SEPTIN10: variants seen among roughly 807,000 people sequenced by gnomAD.
SEPTIN10 encodes the protein septin-10.
Under a neutral mutation model 54.8 loss-of-function variants are expected in SEPTIN10, and 66 were observed. The observed-to-expected ratio is 1.21, with a 90% confidence interval of 0.99 to 1.48. The LOEUF (loss-of-function observed/expected upper bound fraction) is 1.48, where lower values mean the gene tolerates loss of function less well. Among genes scored for constraint, SEPTIN10 ranks in the 40% most tolerant of loss-of-function variants. The pLI is 0.00. For missense variants in SEPTIN10, 620 were observed against 545.6 expected (o/e 1.14, Z -1.36); for synonymous variants, 161 against 181.0 (o/e 0.89, Z 0.89).
At chr2:109,593,398 G>A (rs950680048) in intron 1 of SEPTIN10, among the ~76,000 whole-genome samples, 3 of 144,180 alleles carry the variant, frequency 2.1e-5, no homozygotes, top group African/African-American at 7.7e-5. Context: ...TACAAGTAGA[G>A]AGAGAAAGAA....
chr2:109,594,580 T>C (rs758215724), intron 1 of SEPTIN10: 3 of 151,500 alleles, frequency 2.0e-5, no homozygotes, highest in Non-Finnish European at 2.9e-5. Context: ...GGTGTATACA[T>C]ATCGACGCTC....
intron 1 of SEPTIN10, among the ~76,000 whole-genome samples, chr2:109,609,987 C>T (rs537669098): frequency 6.6e-6 from 1 of 151,958 alleles, no homozygotes; most frequent in East Asian, 1.9e-4. Flanking sequence ...TGATGCAATT[C>T]CTAATAAGGA....
intron 10 of SEPTIN10, chr2:109,545,692 A>G: frequency 6.8e-7 from 1 of 1,461,638 alleles, no homozygotes; most frequent in Non-Finnish European, 9.0e-7. Context: ...ATTCAAAATA[A>G]CTCATGGTAG....
In SEPTIN10 at chr2:109,553,082, C is replaced by G. The variant is rs751436173; in HGVS notation, c.1161+5G>C. On this transcript the variant is annotated splice_donor_5th_base_variant and intron_variant, in intron 9 of 10. Coordinates refer to ENST00000397712, the MANE Select transcript of SEPTIN10 (RefSeq NM_144710.5). Reference sequence around the variant, plus strand: ...ATGCAAATCACATCAAACCAGCATACTTGCCTCTCTCTCAGCTTCTTTCAA... The same window carrying G: ...ATGCAAATCACATCAAACCAGCATAGTTGCCTCTCTCTCAGCTTCTTTCAA... 6.2e-7 allele frequency: 1 copy of G among 1,611,278 alleles called. No individual in the cohort carries two copies. Among genetic ancestry groups the G allele is most frequent in the Non-Finnish European group, 8.5e-7 (1 of 1,179,692 alleles).
chr2:109,544,192 T>C lies in SEPTIN10; in HGVS notation c.*117A>G, dbSNP rs755522708. On this transcript the variant is annotated 3_prime_UTR_variant, in exon 11 of 11. Transcript: ENST00000397712. The stretch of plus-strand genomic sequence containing the variant: ...TTCCATAAATATCAGTAACTGTGGC[T>C]GTTCACCAAATATAGAAGTGATAAA... The C allele has an allele frequency of 3.1e-6, 5 of 1,602,310 alleles. No individual in the cohort carries two copies. The highest frequency in any genetic ancestry group is 4.3e-6 in the Non-Finnish European group (5 of 1,174,884).
chr2:109,582,922 T>A (rs111791981), intron 4 of SEPTIN10, among the ~76,000 whole-genome samples: 2,542 of 152,114 alleles, frequency 0.017, 69 homozygotes, highest in African/African-American at 0.058. Context: ...AAATAAGCAA[T>A]GGGGAAAGGA....
chr2:109,569,084 AT>A (rs1409362392), intron 5 of SEPTIN10, among the ~76,000 whole-genome samples: 1 of 152,176 alleles, frequency 6.6e-6, no homozygotes. Context: ...CCTCAGGCTA[AT>A]CAGTCATATG....
chr2:109,580,736 T>C (rs1365412043), intron 4 of SEPTIN10, among the ~76,000 whole-genome samples: 2 of 151,916 alleles, frequency 1.3e-5, no homozygotes, highest in Non-Finnish European at 2.9e-5. Flanking sequence ...GAAAAAAAGG[T>C]TTTAAAACAC....
intron 8 of SEPTIN10, among the ~76,000 whole-genome samples, chr2:109,561,390 T>C (rs776464226): frequency 6.6e-6 from 1 of 152,196 alleles, no homozygotes; most frequent in Non-Finnish European, 1.5e-5. Flanking sequence ...CTTTAGTGCT[T>C]ATATCACAGC....
At chr2:109,556,426 AAGTT>A (rs1684383925) in intron 8 of SEPTIN10, among the ~76,000 whole-genome samples, 1 of 152,224 alleles carries the variant, frequency 6.6e-6, no homozygotes, top group Admixed American at 6.5e-5. Flanking sequence ...AGAATTCTGT[AAGTT>A]CAAAGAAACG....
chr2:109,588,927 T>C (rs895024593), intron 2 of SEPTIN10, among the ~76,000 whole-genome samples: 42 of 148,722 alleles, frequency 2.8e-4, no homozygotes, highest in Non-Finnish European at 5.6e-4. Context: ...ATAAAAATTC[T>C]CTATTAATCC....
chr2:109,579,255 C>T lies in SEPTIN10; in HGVS notation c.414-4488G>A, dbSNP rs975900513. ...AAAGTAAAACCAACTCTGAATTGTC[C>T]TATAATCATTTTTTAAAAATTAAAC... On this transcript the variant is annotated intron_variant, in intron 4 of 10. Coordinates refer to ENST00000397712, the MANE Select transcript of SEPTIN10 (RefSeq NM_144710.5). Among the ~76,000 whole-genome samples, 23 of 152,116 alleles carry T rather than the reference C, an allele frequency of 1.5e-4. 1 individual carries two copies. The highest frequency in any genetic ancestry group is 2.2e-4 in the Non-Finnish European group (15 of 68,030).
intron 1 of SEPTIN10, 72 bp from the exon 2 acceptor site, chr2:109,593,191 T>A: frequency 1.1e-6 from 1 of 950,490 alleles, no homozygotes; most frequent in East Asian, 2.6e-5. Context: ...CTGAATAATA[T>A]ATTTACATGA....
intron 8 of SEPTIN10, among the ~76,000 whole-genome samples, chr2:109,561,487 A>G (rs1488444927): frequency 1.3e-5 from 2 of 152,156 alleles, no homozygotes; most frequent in East Asian, 3.8e-4. Context: ...AATCTCTAGC[A>G]TTTAGCAGAG....
chr2:109,558,648 A>G (rs1403817633), intron 8 of SEPTIN10, among the ~76,000 whole-genome samples: 1 of 152,168 alleles, frequency 6.6e-6, no homozygotes, highest in Non-Finnish European at 1.5e-5. Flanking sequence ...GTGCTGGTAG[A>G]TTAGGATACC....
At chr2:109,590,760 T>C (rs1249356738) in intron 2 of SEPTIN10, among the ~76,000 whole-genome samples, 5 of 152,184 alleles carry the variant, frequency 3.3e-5, no homozygotes. Flanking sequence ...GCCTGGGCAC[T>C]TCCTGGCCAA....
At chr2:109,557,255 T>C (rs1684596652) in intron 8 of SEPTIN10, among the ~76,000 whole-genome samples, 1 of 152,220 alleles carries the variant, frequency 6.6e-6, no homozygotes, top group Admixed American at 6.5e-5. Context: ...CATTAATCTA[T>C]ACAAGCACTT....
intron 1 of SEPTIN10, among the ~76,000 whole-genome samples, chr2:109,607,095 C>T (rs1220353364): frequency 6.6e-6 from 1 of 152,192 alleles, no homozygotes; most frequent in East Asian, 1.9e-4. Context: ...ATGGCCATCG[C>T]TTCGTTTACT....
chr2:109,545,543 C>CT, intron 10 of SEPTIN10: 6 of 1,535,598 alleles, frequency 3.9e-6, no homozygotes, highest in Non-Finnish European at 5.2e-6. Flanking sequence ...GCCTGGTTCC[C>CT]TTATTAAAAT....
Sources: allele counts gnomAD v4.1 joint callset (sites outside exome capture counted in the v4.1 genomes callset), GRCh38; gene constraint gnomAD v4.1.1; transcripts MANE v1.5; gene names NCBI Gene and HGNC (gene_info 2026-07-23, HGNC 2026-07-21).